Variants in MCTP1 observed in about 807,000 individuals in gnomAD.
The protein encoded by MCTP1 is multiple C2 and transmembrane domain-containing protein 1.
In MCTP1, 69 loss-of-function variants were observed where a neutral mutation model predicts 120.6. The ratio of observed to expected loss-of-function variants is 0.57; its 90% CI spans 0.47 to 0.70. MCTP1 has a LOEUF of 0.70. Ranked by LOEUF, MCTP1 falls within the 30% of genes least tolerant of loss-of-function variation. The probability of loss-of-function intolerance (pLI) is 0.00; values close to 1 mark genes in which losing one functional copy is unlikely to be tolerated. For missense variants in MCTP1, 1,203 were observed against 1,248.8 expected (o/e 0.96, Z 0.55); for synonymous variants, 529 against 493.1 (o/e 1.07, Z -0.96).
intron 12 of MCTP1, among the ~76,000 whole-genome samples, chr5:94,880,656 A>T (rs1164284210): frequency 1.3e-5 from 2 of 152,134 alleles, no homozygotes; most frequent in Non-Finnish European, 2.9e-5. Flanking sequence ...TTAGAGGTCA[A>T]GTTCAAAACT....
At chr5:94,957,539 C>T (rs1001432727) in intron 2 of MCTP1, among the ~76,000 whole-genome samples, 1 of 151,574 alleles carries the variant, frequency 6.6e-6, no homozygotes, top group Non-Finnish European at 1.5e-5. Flanking sequence ...AAGACATGCA[C>T]AGGCTCAAAA....
At chr5:95,036,501 A>G (rs986585207) in intron 1 of MCTP1, among the ~76,000 whole-genome samples, 11 of 152,158 alleles carry the variant, frequency 7.2e-5, no homozygotes, top group Admixed American at 7.2e-4. Context: ...ACATAGCTCT[A>G]CTTCTCTTGG....
intron 19 of MCTP1, among the ~76,000 whole-genome samples, chr5:94,741,687 C>T (rs1466485543): frequency 6.6e-6 from 1 of 152,146 alleles, no homozygotes; most frequent in East Asian, 1.9e-4. Context: ...GCCCATGCCA[C>T]CAAGGTAAGA....
At chr5:94,988,265 A>T (rs1830765668) in intron 2 of MCTP1, among the ~76,000 whole-genome samples, 1 of 152,154 alleles carries the variant, frequency 6.6e-6, no homozygotes. Context: ...TTCTTTAGGA[A>T]GAGAGATGTC....
intron 6 of MCTP1, among the ~76,000 whole-genome samples, chr5:94,928,874 A>G (rs1056531137): frequency 7.2e-5 from 11 of 152,166 alleles, no homozygotes; most frequent in African/African-American, 2.7e-4. Flanking sequence ...CTGAACAGCA[A>G]TTAGGATCTC....
In MCTP1 at chr5:95,186,765, GA is replaced by G. The variant is rs146943879; in HGVS notation, c.720+97090del. Among the ~76,000 whole-genome samples the G allele has an allele frequency of 3.2e-3, 485 of 152,270 alleles. 2 individuals are homozygous for G. The highest frequency in any genetic ancestry group is 0.011 in the African/African-American group (449 of 41,550). On this transcript the variant is annotated intron_variant, in intron 1 of 22. Transcript: ENST00000515393. Reference sequence around the variant, plus strand: ...TTAATAAGGCTTACATTATTAGCTAGAAAAATCAAGACAGTATGGTAGTGTT... The same window carrying G: ...TTAATAAGGCTTACATTATTAGCTAGAAAATCAAGACAGTATGGTAGTGTT...
intron 6 of MCTP1, among the ~76,000 whole-genome samples, chr5:94,925,731 A>G (rs1472964797): frequency 6.6e-6 from 1 of 152,214 alleles, no homozygotes; most frequent in Non-Finnish European, 1.5e-5. Context: ...TAAAATTGCT[A>G]AAAGTATAAA....
chr5:94,743,315 T>TAA (rs34991464), intron 19 of MCTP1, among the ~76,000 whole-genome samples: 37,410 of 127,310 alleles, frequency 0.29, 4,866 homozygotes, highest in East Asian at 0.41. Context: ...TTCAATTCAA[T>TAA]AAAAAAAAAA....
chr5:94,916,518 T>C (rs935495809), intron 8 of MCTP1, among the ~76,000 whole-genome samples: 3 of 152,164 alleles, frequency 2.0e-5, no homozygotes, highest in African/African-American at 7.2e-5. Context: ...CTCAAGATAG[T>C]CATTTATTAC....
At chr5:95,169,744 C>G (rs1582426558) in intron 1 of MCTP1, among the ~76,000 whole-genome samples, 1 of 152,088 alleles carries the variant, frequency 6.6e-6, no homozygotes, top group East Asian at 1.9e-4. Context: ...TGGAGATATC[C>G]CCTTTATCAT....
chr5:95,028,472 A>T (rs1489285287), intron 1 of MCTP1, among the ~76,000 whole-genome samples: 1 of 152,182 alleles, frequency 6.6e-6, no homozygotes, highest in Non-Finnish European at 1.5e-5. Flanking sequence ...ATTGCTGTTT[A>T]AAAAAGTATG....
At position 94,948,460 on chromosome 5, in the gene MCTP1, A is replaced by AT. The variant is rs1200067575; in HGVS notation, c.981+4758dup. Among the ~76,000 whole-genome samples the AT allele has an allele frequency of 1.3e-3, 202 of 152,140 alleles. 1 individual carries two copies. Among genetic ancestry groups the AT allele is most frequent in the African/African-American group, 4.7e-3 (195 of 41,506 alleles). On this transcript the variant is annotated intron_variant, in intron 3 of 22. Transcript: ENST00000515393. ...TTTTGTTTGTTTTGTTTCATTGCTG[A>AT]TTTTTTTTGGGTCCAAAATAGTGGA...
chr5:95,167,643 A>G (rs1432393389), intron 1 of MCTP1, among the ~76,000 whole-genome samples: 2 of 152,118 alleles, frequency 1.3e-5, no homozygotes, highest in South Asian at 2.1e-4. Flanking sequence ...TTTGATTTGC[A>G]TTTCTCTGAT....
At chr5:95,104,313 T>C (rs533602336) in intron 1 of MCTP1, among the ~76,000 whole-genome samples, 25 of 152,318 alleles carry the variant, frequency 1.6e-4, no homozygotes, top group African/African-American at 6.0e-4. Flanking sequence ...TGAACCTTTG[T>C]GGTTTTCATT....
intron 2 of MCTP1, among the ~76,000 whole-genome samples, chr5:94,953,712 G>C (rs191823886): frequency 7.5e-4 from 111 of 147,338 alleles, no homozygotes; most frequent in Middle Eastern, 7.2e-3. Context: ...TTTCACAATA[G>C]CAAAGACATG....
At chr5:95,191,237 G>T (rs1294013736) in intron 1 of MCTP1, among the ~76,000 whole-genome samples, 2 of 151,878 alleles carry the variant, frequency 1.3e-5, no homozygotes, top group East Asian at 3.9e-4. Flanking sequence ...AAATATCTGT[G>T]TTTACTATAG....
chr5:95,283,894 G>C lies in MCTP1; in HGVS notation c.682C>G (p.Arg228Gly). ...AEPARSPAES[R>G]APETGEEHGS... Reference sequence around the variant, plus strand: ...TGCTCCTCGCCCGTCTCCGGGGCCCGAGACTCCGCGGGACTCCGCGCCGGC... The same window carrying C: ...TGCTCCTCGCCCGTCTCCGGGGCCCCAGACTCCGCGGGACTCCGCGCCGGC... Residue 228 changes from arginine to glycine, a missense_variant, in exon 1 of 23, where the codon CGG becomes GGG. Transcript: ENST00000515393. 1 of 1,382,574 alleles carries C rather than the reference G, an allele frequency of 7.2e-7. No individual in the cohort carries two copies. Among genetic ancestry groups the C allele is most frequent in the Middle Eastern group, 2.5e-4 (1 of 4,048 alleles). 85.6% of individuals were successfully genotyped at this position (1,382,574 alleles called of 1,614,324 possible).
chr5:95,081,886 A>G (rs2152322295), intron 1 of MCTP1: 1 of 946,712 alleles, frequency 1.1e-6, no homozygotes, highest in South Asian at 4.9e-5. Flanking sequence ...CACAACAGGA[A>G]ATGAGAATAA....
At chr5:95,267,989 T>C (rs1759043418) in intron 1 of MCTP1, among the ~76,000 whole-genome samples, 1 of 152,216 alleles carries the variant, frequency 6.6e-6, no homozygotes, top group South Asian at 2.1e-4. Flanking sequence ...CAACTCCTAT[T>C]AGTTATTTTC....
Sources: allele counts gnomAD v4.1 joint callset (sites outside exome capture counted in the v4.1 genomes callset), GRCh38; gene constraint gnomAD v4.1.1; transcripts MANE v1.5; gene names NCBI Gene and HGNC (gene_info 2026-07-23, HGNC 2026-07-21).